Variants in GPR161 observed in about 807,000 individuals in gnomAD.
The protein encoded by GPR161 is G protein-coupled receptor 161.
Under a neutral mutation model 39.2 loss-of-function variants are expected in GPR161, and 25 were observed. The observed-to-expected ratio is 0.64, with a 90% confidence interval of 0.47 to 0.89. The LOEUF (loss-of-function observed/expected upper bound fraction) is 0.89, where lower values mean the gene tolerates loss of function less well. Ranked by LOEUF, GPR161 falls within the 40% of genes least tolerant of loss-of-function variation. The pLI, the probability that GPR161 is intolerant of heterozygous loss-of-function variation, is 0.00. For missense variants in GPR161, 547 were observed against 677.8 expected, an observed-to-expected ratio of 0.81 and a Z score of 2.14; for synonymous variants, 286 against 276.6, an observed-to-expected ratio of 1.03 and a Z score of -0.34.
intron 1 of GPR161, among the ~76,000 whole-genome samples, chr1:168,131,192 T>C (rs1036744469): frequency 1.3e-5 from 2 of 152,082 alleles, no homozygotes; most frequent in Admixed American, 6.5e-5. Context: ...CATTTCTCTC[T>C]TCTTCTTATT....
Position 168,097,082 on chromosome 1 carries a change from T to C in GPR161, c.525A>G (p.Lys175=), listed in dbSNP as rs1301342227. The change falls in exon 3 of 6, where the codon AAA becomes AAG. Residue 175 remains lysine, a synonymous_variant. Transcript: ENST00000682931. ...GWSSVEFDEF[K]WMCVAAWHRE... is the part of the protein sequence containing the mutation. The stretch of plus-strand genomic sequence containing the variant: ...GGTGCCAAGCAGCCACACACATCCA[T>C]TTGAACTCGTCAAACTCCACGGATG... The C allele has an allele frequency of 6.2e-7, 1 of 1,613,814 alleles. No individual in the cohort carries two copies. The highest frequency in any genetic ancestry group is 2.2e-5 in the East Asian group (1 of 44,870).
chr1:168,100,590 C>T (rs939614278), intron 2 of GPR161, among the ~76,000 whole-genome samples: 2 of 152,186 alleles, frequency 1.3e-5, no homozygotes, highest in Non-Finnish European at 2.9e-5. Flanking sequence ...CAGGCTCCTG[C>T]CACAAGACCA....
At chr1:168,100,689 C>T (rs895624795) in intron 2 of GPR161, among the ~76,000 whole-genome samples, 5 of 152,202 alleles carry the variant, frequency 3.3e-5, no homozygotes, top group Non-Finnish European at 7.3e-5. Flanking sequence ...AACAAAGGGG[C>T]AACACATTAA....
chr1:168,124,316 T>C (rs564349770), intron 1 of GPR161, among the ~76,000 whole-genome samples: 20 of 152,296 alleles, frequency 1.3e-4, no homozygotes, highest in Admixed American at 1.1e-3. Context: ...AATGCTCCAT[T>C]CTAGATAGCT....
In GPR161 at chr1:168,096,804, G is replaced by C. The variant is rs763350163; in HGVS notation, c.803C>G (p.Ala268Gly). The C allele has an allele frequency of 5.0e-6, 8 of 1,613,824 alleles. No homozygotes were observed. Among genetic ancestry groups the C allele is most frequent in the African/African-American group, 4.0e-5 (3 of 74,896 alleles). ...GVVYSANQCK[A>G]LITILVVLGA... is the part of the protein sequence containing the mutation. The stretch of plus-strand genomic sequence containing the variant: ...GAGGACCACCAGGATGGTGATGAGG[G>C]CTTTGCACTGGTTGGCCGAGTAGAC... The change falls in exon 3 of 6, where the codon GCC (alanine) becomes GGC (glycine). Residue 268 changes from alanine to glycine, a missense_variant. Coordinates refer to ENST00000682931, the MANE Select transcript of GPR161 (RefSeq NM_001375883.1).
rs149826443 is a variant in GPR161, at chr1:168,083,392, CAG to C, written c.*2137_*2138del. ...TCCCTAGAGCCCAGTCTAGTACAGT[CAG>C]GGGAACATTCTCCAACCCTTGCGTT... On this transcript the variant is annotated 3_prime_UTR_variant, in exon 6 of 6. Transcript: ENST00000682931. 6.6e-6 allele frequency: 1 copy of C among 152,292 alleles called. No homozygotes were observed. The highest frequency in any genetic ancestry group is 1.5e-5 in the Non-Finnish European group (1 of 68,042). The allele number at this position is 152,292 out of a possible 1,614,324, so 9.4% of individuals were successfully genotyped here. A position where few individuals can be genotyped will look rare whatever the true frequency, so the allele number is the denominator to read the frequency against.
intron 1 of GPR161, among the ~76,000 whole-genome samples, chr1:168,107,811 C>T (rs1445009854): frequency 1.3e-5 from 2 of 152,054 alleles, no homozygotes. Context: ...CTTTTCAGAC[C>T]AGGAAATTCC....
At chr1:168,093,756 C>G (rs1229491612) in intron 3 of GPR161, among the ~76,000 whole-genome samples, 2 of 152,216 alleles carry the variant, frequency 1.3e-5, no homozygotes, top group Non-Finnish European at 2.9e-5. Context: ...CTGGCTCAGA[C>G]AGAGGGACCA....
chr1:168,126,451 T>C (rs1698596855), intron 1 of GPR161, among the ~76,000 whole-genome samples: 1 of 149,810 alleles, frequency 6.7e-6, no homozygotes, highest in Non-Finnish European at 1.5e-5. Flanking sequence ...AATACAAGTA[T>C]TGTTTTGTTT....
At chr1:168,113,569 T>C (rs1448603746) in intron 1 of GPR161, among the ~76,000 whole-genome samples, 1 of 152,208 alleles carries the variant, frequency 6.6e-6, no homozygotes, top group Non-Finnish European at 1.5e-5. Flanking sequence ...ATTAATACCA[T>C]TTTGTAATCA....
In GPR161 at chr1:168,136,176, C is replaced by T. The variant is rs1180273326; in HGVS notation, c.-45+563G>A. On this transcript the variant is annotated intron_variant, in intron 1 of 5. Transcript: ENST00000682931. Reference sequence around the variant, plus strand: ...AGCCGCCCATCCGGCGGCGCCGGGCCACTTCTGGGCGCGCCACCCGCCGCC... The same window carrying T: ...AGCCGCCCATCCGGCGGCGCCGGGCTACTTCTGGGCGCGCCACCCGCCGCC... 2.9e-5 allele frequency: 37 copies of T among 1,268,570 alleles called. No homozygotes were observed. The South Asian group carries it at 4.3e-4, about 15-fold the overall frequency. 78.6% of individuals were successfully genotyped at this position (1,268,570 alleles called of 1,614,324 possible). A position where few individuals can be genotyped will look rare whatever the true frequency, so the allele number is the denominator to read the frequency against.
At position 168,084,807 on chromosome 1, in the gene GPR161, C is replaced by T; in HGVS notation, c.*724G>A. On this transcript the variant is annotated 3_prime_UTR_variant, in exon 6 of 6. Transcript: ENST00000682931. ...CTGGAAATGAAACACCTAGTACCTG[C>T]CCTTCCTCTTGTCTTTTATAGTGGT... The T allele has an allele frequency of 2.2e-6, 1 of 456,154 alleles. No homozygotes were observed. Among genetic ancestry groups the T allele is most frequent in the Non-Finnish European group, 4.4e-6 (1 of 226,968 alleles). 28.3% of individuals were successfully genotyped at this position (456,154 alleles called of 1,614,324 possible). A position where few individuals can be genotyped will look rare whatever the true frequency, so the allele number is the denominator to read the frequency against.
intron 1 of GPR161, among the ~76,000 whole-genome samples, chr1:168,108,658 G>T (rs1170784118): frequency 6.6e-6 from 1 of 151,586 alleles, no homozygotes; most frequent in Non-Finnish European, 1.5e-5. Context: ...TTATAGTTTT[G>T]ATTTCTGAAC....
rs115085129 is a variant in GPR161, at chr1:168,129,161, G to T, written c.-45+7578C>A. On this transcript the variant is annotated intron_variant, in intron 1 of 5. Coordinates refer to ENST00000682931, the MANE Select transcript of GPR161 (RefSeq NM_001375883.1). Reference sequence around the variant, plus strand: ...TAAGCAGAGAGGGAATGGGTGTCTGGGTCAGGGGTGGGTCATCAGGGAAGG... The same window carrying T: ...TAAGCAGAGAGGGAATGGGTGTCTGTGTCAGGGGTGGGTCATCAGGGAAGG... Among the ~76,000 whole-genome samples, 2 of 152,290 alleles carry T rather than the reference G, an allele frequency of 1.3e-5. 1 individual carries two copies. The highest frequency in any genetic ancestry group is 2.9e-5 in the Non-Finnish European group (2 of 68,030).
chr1:168,132,931 G>A (rs1699111759), intron 1 of GPR161, among the ~76,000 whole-genome samples: 1 of 152,098 alleles, frequency 6.6e-6, no homozygotes, highest in Admixed American at 6.5e-5. Flanking sequence ...TTTTAGTAGA[G>A]ATGGGGTTTC....
At chr1:168,096,157 A>G (rs1322432147) in intron 3 of GPR161, among the ~76,000 whole-genome samples, 2 of 145,812 alleles carry the variant, frequency 1.4e-5, no homozygotes, top group Non-Finnish European at 3.0e-5. Context: ...AAAAAAAAAA[A>G]AAAGAGAGAG....
At chr1:168,136,098 T>C in intron 1 of GPR161, 1 of 1,261,380 alleles carries the variant, frequency 7.9e-7, no homozygotes. Context: ...CTGGTCGAGT[T>C]CTCCCCTTTC....
chr1:168,089,767 G>C (rs887593741), intron 4 of GPR161, among the ~76,000 whole-genome samples: 6 of 152,130 alleles, frequency 3.9e-5, no homozygotes, highest in Non-Finnish European at 8.8e-5. Flanking sequence ...CCTCTGCCCA[G>C]GGCCTCCTGT....
chr1:168,085,594 C>G lies in GPR161; in HGVS notation c.1527G>C (p.Val509=), dbSNP rs750821748. Residue 509 remains valine (V), a synonymous_variant, in exon 6 of 6, where the codon GTG becomes GTC. Coordinates refer to ENST00000682931, the MANE Select transcript of GPR161 (RefSeq NM_001375883.1). ...TGCTCTGCAACTGCAGCCTCTGGCT[C>G]ACAAGAGTTCTGCTGCCTCGGCGGC... ...FGGRRGSRTL[V]SQRLQLQSIE... The G allele has an allele frequency of 8.7e-6, 14 of 1,614,016 alleles. No individual in the cohort carries two copies. The highest frequency in any genetic ancestry group is 3.3e-4 in the Middle Eastern group (2 of 6,084).
Sources: allele counts gnomAD v4.1 joint callset (sites outside exome capture counted in the v4.1 genomes callset), GRCh38; gene constraint gnomAD v4.1.1; transcripts MANE v1.5; gene names NCBI Gene and HGNC (gene_info 2026-07-23, HGNC 2026-07-21).